RILPL2: variants seen among roughly 807,000 people sequenced by gnomAD.
RILPL2 encodes the protein Rab interacting lysosomal protein like 2, also known as RILP-like protein 2.
In RILPL2, 19 loss-of-function variants were observed where a neutral mutation model predicts 22.2. The ratio of observed to expected loss-of-function variants is 0.86; its 90% CI spans 0.60 to 1.25. RILPL2 has a LOEUF of 1.25. Ranked by LOEUF, RILPL2 falls within the 50% of genes most tolerant of loss-of-function variation. The probability of loss-of-function intolerance (pLI) is 0.00; values close to 1 mark genes in which losing one functional copy is unlikely to be tolerated. For missense variants in RILPL2, 243 were observed against 263.6 expected (o/e 0.92, Z 0.54); for synonymous variants, 123 against 111.6 (o/e 1.10, Z -0.64).
intron 3 of RILPL2, among the ~76,000 whole-genome samples, chr12:123,420,317 G>A (rs894299622): frequency 2.6e-5 from 4 of 151,852 alleles, no homozygotes; most frequent in South Asian, 2.1e-4. Flanking sequence ...GAGCCACTGC[G>A]CCTGGCAGAG....
intron 3 of RILPL2, among the ~76,000 whole-genome samples, chr12:123,416,525 G>A (rs1204221835): frequency 1.3e-5 from 2 of 150,602 alleles, no homozygotes; most frequent in African/African-American, 2.4e-5. Context: ...TGTAGTCCCA[G>A]CTGCCTCGGG....
At chr12:123,435,375 A>C (rs1879766439) in intron 1 of RILPL2, among the ~76,000 whole-genome samples, 1 of 152,112 alleles carries the variant, frequency 6.6e-6, no homozygotes, top group Non-Finnish European at 1.5e-5. Flanking sequence ...GGCAGCTGAG[A>C]CTAAAGCTGC....
rs557371527 is a variant in RILPL2, at chr12:123,426,721, C to G, written c.492-3564G>C. ...GGCTCACGCCATCCTCCTGCCTCAG[C>G]CTCCCGAGTAGCTGGGACTACAGGT... On this transcript the variant is annotated intron_variant, in intron 2 of 3. Transcript: ENST00000280571. Among the ~76,000 whole-genome samples, 13 of 152,078 alleles carry G rather than the reference C, an allele frequency of 8.5e-5. 1 individual carries two copies. The East Asian group carries it at 2.1e-3, about 25-fold the overall frequency.
chr12:123,428,625 C>T (rs1486348564), intron 2 of RILPL2, among the ~76,000 whole-genome samples: 1 of 152,168 alleles, frequency 6.6e-6, no homozygotes, highest in Non-Finnish European at 1.5e-5. Flanking sequence ...AGGGTATGTC[C>T]TTAATTCCAA....
At chr12:123,422,914 G>A in intron 3 of RILPL2, 130 bp downstream of exon 3, 2 of 659,988 alleles carry the variant, frequency 3.0e-6, no homozygotes, top group South Asian at 3.6e-5. Flanking sequence ...TTTTCCCATG[G>A]GCTGCAGCAC....
chr12:123,420,175 C>T (rs778063986), intron 3 of RILPL2, among the ~76,000 whole-genome samples: 14 of 151,942 alleles, frequency 9.2e-5, no homozygotes, highest in Non-Finnish European at 1.8e-4. Context: ...AAGGAGCCTG[C>T]CACCATGCCT....
chr12:123,430,331 C>A (rs1879598527), intron 2 of RILPL2, among the ~76,000 whole-genome samples, 177 bp downstream of exon 2: 1 of 151,890 alleles, frequency 6.6e-6, no homozygotes, highest in African/African-American at 2.4e-5. Context: ...ATGGCGTGAA[C>A]CCGGGAGGCA....
chr12:123,436,011 C>A lies in RILPL2; in HGVS notation c.339+71G>T, dbSNP rs1879783229. On this transcript the variant is annotated intron_variant, in intron 1 of 3. Transcript: ENST00000280571. The surrounding 1 kb of genome is among the most constrained non-coding windows in gnomAD (Gnocchi z 6.7). ...AGAAGAGAAAAGAAAAGGAAGGCGT[C>A]TCCCTGCCAGTAGGTGCCCTCCTAC... The A allele has an allele frequency of 1.3e-6, 2 of 1,496,464 alleles. No individual in the cohort carries two copies. The highest frequency in any genetic ancestry group is 2.5e-5 in the Admixed American group (1 of 39,542). The allele number at this position is 1,496,464 out of a possible 1,614,324, so 92.7% of individuals were successfully genotyped here. A position where few individuals can be genotyped will look rare whatever the true frequency, so the allele number is the denominator to read the frequency against.
At chr12:123,434,603 G>A (rs1879738766) in intron 1 of RILPL2, among the ~76,000 whole-genome samples, 1 of 151,520 alleles carries the variant, frequency 6.6e-6, no homozygotes, top group African/African-American at 2.4e-5. Context: ...TTTTTCTGTA[G>A]TTTTAGTAGA....
rs370943149 is a variant in RILPL2, at chr12:123,423,058, T to C, written c.591A>G (p.Thr197=). The change falls in exon 3 of 4, where the codon ACA becomes ACG. Residue 197 remains threonine, a synonymous_variant. Coordinates refer to ENST00000280571, the MANE Select transcript of RILPL2 (RefSeq NM_145058.3). ...KNAGRNKEEK[T]IIKKLFFFRS... ...GTGACACTTACAGCTTTTTTATGAT[T>C]GTCTTCTCCTCCTTGTTCCTGCCAG... is the stretch of plus-strand genomic sequence containing the variant. The C allele has an allele frequency of 2.5e-6, 4 of 1,612,504 alleles. No homozygotes were observed. The highest frequency in any genetic ancestry group is 2.2e-5 in the East Asian group (1 of 44,872).
chr12:123,423,203 GTTTTTT>G, intron 2 of RILPL2, 46 bp from the exon 3 acceptor site: 3 of 826,292 alleles, frequency 3.6e-6, no homozygotes, highest in Non-Finnish European at 3.6e-6. Context: ...ATTACAGATC[GTTTTTT>G]TTTTTTTTTT....
Position 123,436,490 on chromosome 12 carries a change from G to A in RILPL2, c.-70C>T. The A allele has an allele frequency of 6.7e-7, 1 of 1,498,576 alleles. No individual in the cohort carries two copies. The highest frequency in any genetic ancestry group is 8.9e-7 in the Non-Finnish European group (1 of 1,125,710). The allele number at this position is 1,498,576 out of a possible 1,614,324, so 92.8% of individuals were successfully genotyped here. A position where few individuals can be genotyped will look rare whatever the true frequency, so the allele number is the denominator to read the frequency against. Reference sequence around the variant, plus strand: ...CTCCCAAAGGTTAGACTTCCTCCCGGCACCCAAAACTTTCCGCTGGGCAGA... The same window carrying A: ...CTCCCAAAGGTTAGACTTCCTCCCGACACCCAAAACTTTCCGCTGGGCAGA... On this transcript the variant is annotated 5_prime_UTR_variant, in exon 1 of 4. Coordinates refer to ENST00000280571, the MANE Select transcript of RILPL2 (RefSeq NM_145058.3). This position sits in a 1 kb window ranked among gnomAD's most constrained non-coding sequence, Gnocchi z 6.7.
chr12:123,412,787 G>A (rs2139225862), downstream of RILPL2: 1 of 152,364 alleles, frequency 6.6e-6, no homozygotes, highest in Middle Eastern at 3.4e-3. Context: ...ATTAGGACTT[G>A]CCAGTGACTC....
chr12:123,416,575 G>A (rs1593486392), intron 3 of RILPL2, among the ~76,000 whole-genome samples: 1 of 152,098 alleles, frequency 6.6e-6, no homozygotes, highest in African/African-American at 2.4e-5. Flanking sequence ...GGGAGGCGGA[G>A]CTTGCAGTGA....
At chr12:123,410,719 A>T (rs1013454448), downstream of RILPL2, 1 of 152,150 alleles carries the variant, frequency 6.6e-6, no homozygotes, top group Non-Finnish European at 1.5e-5. Flanking sequence ...AATACAAAAA[A>T]AAAAAAAACA....
intron 2 of RILPL2, among the ~76,000 whole-genome samples, chr12:123,425,085 T>A (rs1452018271): frequency 6.6e-6 from 1 of 151,960 alleles, no homozygotes; most frequent in African/African-American, 2.4e-5. Flanking sequence ...TTCACTGTGT[T>A]AGCCAGGATG....
chr12:123,419,474 C>T (rs921485595), intron 3 of RILPL2, among the ~76,000 whole-genome samples: 9 of 152,150 alleles, frequency 5.9e-5, no homozygotes, highest in African/African-American at 2.2e-4. Context: ...AATGCTGGGA[C>T]ACGGCTCATT....
chr12:123,423,638 T>G (rs1174394990), intron 2 of RILPL2, among the ~76,000 whole-genome samples: 1 of 151,528 alleles, frequency 6.6e-6, no homozygotes, highest in Non-Finnish European at 1.5e-5. Flanking sequence ...CCCTGTACCT[T>G]TCCAATGTGA....
intron 2 of RILPL2, among the ~76,000 whole-genome samples, chr12:123,426,811 C>G (rs1019060695): frequency 6.6e-6 from 1 of 151,552 alleles, no homozygotes; most frequent in African/African-American, 2.4e-5. Flanking sequence ...ACTGTGTTAG[C>G]CAGGATGGTC....
Sources: allele counts gnomAD v4.1 joint callset (sites outside exome capture counted in the v4.1 genomes callset), GRCh38; gene constraint gnomAD v4.1.1; non-coding constraint Gnocchi (gnomAD v3.1); transcripts MANE v1.5; gene names NCBI Gene and HGNC (gene_info 2026-07-23, HGNC 2026-07-21).